LRRC4C: variants seen among roughly 807,000 people sequenced by gnomAD.
LRRC4C encodes leucine rich repeat containing 4C.
A neutral mutation model predicts 33.6 loss-of-function variants in LRRC4C; 5 were observed. The ratio of observed to expected loss-of-function variants is 0.15; its 90% CI spans 0.08 to 0.31. The LOEUF (loss-of-function observed/expected upper bound fraction) is 0.31, where lower values mean the gene tolerates loss of function less well. LRRC4C is among the 10% of genes least tolerant of loss of function. The pLI is 1.00. For synonymous variants in LRRC4C, 329 were observed against 302.0 expected (o/e 1.09, Z -0.93); for missense variants, 560 against 796.7 (o/e 0.70, Z 3.58).
intron 3 of LRRC4C, among the ~76,000 whole-genome samples, chr11:40,372,694 T>C (rs1228494154): frequency 6.6e-6 from 1 of 152,174 alleles, no homozygotes; most frequent in African/African-American, 2.4e-5. Context: ...TTTTGGGTTG[T>C]CTTCCCTGGG....
intron 1 of LRRC4C, among the ~76,000 whole-genome samples, chr11:40,943,558 C>G (rs934714572): frequency 1.3e-5 from 2 of 152,052 alleles, no homozygotes; most frequent in Non-Finnish European, 1.5e-5. Context: ...CTGGTTTGCC[C>G]CAAGAGAGGT....
At chr11:41,447,869 A>G (rs1955874070) in intron 1 of LRRC4C, among the ~76,000 whole-genome samples, 1 of 152,192 alleles carries the variant, frequency 6.6e-6, no homozygotes, top group South Asian at 2.1e-4. Flanking sequence ...TGTGTGTTTG[A>G]TAATAATCTT....
At chr11:41,101,325 A>C (rs1239247644) in intron 1 of LRRC4C, among the ~76,000 whole-genome samples, 3 of 152,122 alleles carry the variant, frequency 2.0e-5, no homozygotes, top group Non-Finnish European at 4.4e-5. Flanking sequence ...AAACCATTTA[A>C]AAGTGGACAA....
At chr11:40,770,773 G>A (rs1013742427) in intron 2 of LRRC4C, among the ~76,000 whole-genome samples, 1 of 152,186 alleles carries the variant, frequency 6.6e-6, no homozygotes, top group African/African-American at 2.4e-5. Flanking sequence ...CCAAAATCTA[G>A]CGAGGTGGTC....
At chr11:40,944,703 G>A (rs1958312187) in intron 1 of LRRC4C, among the ~76,000 whole-genome samples, 1 of 152,070 alleles carries the variant, frequency 6.6e-6, no homozygotes, top group African/African-American at 2.4e-5. Context: ...ACACCTGGTA[G>A]GTTTGGTCAT....
At chr11:41,231,133 T>A (rs1282757696) in intron 1 of LRRC4C, among the ~76,000 whole-genome samples, 1 of 152,040 alleles carries the variant, frequency 6.6e-6, no homozygotes, top group Non-Finnish European at 1.5e-5. Flanking sequence ...GGAGAGGATG[T>A]GGAGAAATAG....
At chr11:41,092,160 ATT>A (rs1033907224) in intron 1 of LRRC4C, among the ~76,000 whole-genome samples, 1 of 152,032 alleles carries the variant, frequency 6.6e-6, no homozygotes, top group Non-Finnish European at 1.5e-5. Context: ...GAATATTGCC[ATT>A]TTTTGTATGG....
chr11:41,287,661 A>G (rs1037892295), intron 1 of LRRC4C, among the ~76,000 whole-genome samples: 2 of 152,258 alleles, frequency 1.3e-5, no homozygotes, highest in South Asian at 4.1e-4. Context: ...CTGATAAAAC[A>G]GAGTTTTTAA....
intron 4 of LRRC4C, among the ~76,000 whole-genome samples, chr11:40,271,633 C>T (rs1324931464): frequency 1.3e-5 from 2 of 152,112 alleles, no homozygotes; most frequent in African/African-American, 4.8e-5. Flanking sequence ...GCCACTAAGG[C>T]AGTATTTCTG....
intron 4 of LRRC4C, among the ~76,000 whole-genome samples, chr11:40,254,084 T>C (rs1590828876): frequency 6.6e-6 from 1 of 152,218 alleles, no homozygotes; most frequent in Admixed American, 6.5e-5. Flanking sequence ...TAGGTCCCAA[T>C]GTTTTCTGAC....
At chr11:41,090,658 C>T (rs1324927733) in intron 1 of LRRC4C, among the ~76,000 whole-genome samples, 2 of 151,946 alleles carry the variant, frequency 1.3e-5, no homozygotes, top group South Asian at 2.1e-4. Flanking sequence ...AATTGTAATC[C>T]CCATAATCCC....
At chr11:40,178,086 T>G (rs978246759) in intron 5 of LRRC4C, among the ~76,000 whole-genome samples, 1 of 152,192 alleles carries the variant, frequency 6.6e-6, no homozygotes, top group African/African-American at 2.4e-5. Context: ...GCTTTTATGT[T>G]AGTATTTTAT....
At chr11:40,187,999 G>A (rs985429847) in intron 5 of LRRC4C, among the ~76,000 whole-genome samples, 2 of 152,038 alleles carry the variant, frequency 1.3e-5, no homozygotes, top group Non-Finnish European at 2.9e-5. Flanking sequence ...TAATTTAAGG[G>A]AATTATGTTT....
At chr11:40,644,074 A>G (rs141360223) in intron 3 of LRRC4C, among the ~76,000 whole-genome samples, 7 of 152,320 alleles carry the variant, frequency 4.6e-5, no homozygotes, top group African/African-American at 1.4e-4. Flanking sequence ...ATAAAATTTG[A>G]CTTCAGTTTC....
At chr11:41,444,392 T>C (rs1390805165) in intron 1 of LRRC4C, among the ~76,000 whole-genome samples, 1 of 152,194 alleles carries the variant, frequency 6.6e-6, no homozygotes, top group Non-Finnish European at 1.5e-5. Context: ...TTTAAGTGTA[T>C]GGAAGGATGT....
chr11:40,521,749 G>C (rs555826022), intron 3 of LRRC4C, among the ~76,000 whole-genome samples: 2 of 152,106 alleles, frequency 1.3e-5, no homozygotes, highest in East Asian at 3.9e-4. Flanking sequence ...TGCGCCTGTA[G>C]TCCCAGCTAC....
intron 2 of LRRC4C, among the ~76,000 whole-genome samples, chr11:40,679,330 A>G (rs1032203316): frequency 5.3e-5 from 8 of 152,184 alleles, no homozygotes; most frequent in African/African-American, 1.9e-4. Context: ...ATGCAATAGG[A>G]AAGAAAACCC....
intron 3 of LRRC4C, among the ~76,000 whole-genome samples, chr11:40,360,076 T>C (rs2137159953): frequency 6.6e-6 from 1 of 152,210 alleles, no homozygotes; most frequent in Non-Finnish European, 1.5e-5. Flanking sequence ...CCTCCATAAC[T>C]CAACAAATAA....
chr11:40,811,123 A>T (rs1263791187), intron 2 of LRRC4C, among the ~76,000 whole-genome samples: 2 of 152,020 alleles, frequency 1.3e-5, no homozygotes, highest in East Asian at 3.9e-4. Context: ...TTCTTCCTTC[A>T]TCTGGAAGAT....
Sources: gnomAD v4.1 joint callset for allele counts (sites outside exome capture counted in the v4.1 genomes callset) on GRCh38, gnomAD v4.1.1 for gene constraint, MANE v1.5 for transcripts, NCBI Gene and HGNC (gene_info 2026-07-23, HGNC 2026-07-21) for gene names.